The following EXOC6B variants were observed in gnomAD, a reference collection of about 807,000 sequenced individuals.
The protein encoded by EXOC6B is exocyst complex component 6B.
EXOC6B carries 54 observed loss-of-function variants against 113.5 expected under a neutral mutation model. That is an observed-to-expected ratio of 0.48 (90% CI 0.38 to 0.60). The LOEUF (loss-of-function observed/expected upper bound fraction) is 0.60. EXOC6B is among the 20% of genes least tolerant of loss of function. The pLI is 0.00. For synonymous variants in EXOC6B, 357 were observed against 339.0 expected (o/e 1.05, Z -0.58); for missense variants, 797 against 977.5 (o/e 0.82, Z 2.46).
chr2:72,823,494 A>AAAAAT (rs1686717527), intron 1 of EXOC6B, among the ~76,000 whole-genome samples: 1 of 150,370 alleles, frequency 6.7e-6, no homozygotes. Flanking sequence ...AACAAAAAAA[A>AAAAAT]AGACAGTGGC....
At chr2:72,412,865 A>T (rs879292354) in intron 18 of EXOC6B, among the ~76,000 whole-genome samples, 2 of 152,134 alleles carry the variant, frequency 1.3e-5, no homozygotes, top group African/African-American at 4.8e-5. Flanking sequence ...TAACCAGCAT[A>T]AAGTAGAAGA....
chr2:72,718,017 T>C (rs1679737320), intron 6 of EXOC6B, 86 bp downstream of exon 6: 1 of 938,620 alleles, frequency 1.1e-6, no homozygotes, highest in South Asian at 1.9e-5. Flanking sequence ...GATAAGATAA[T>C]GACTAGACAC....
At chr2:72,592,027 C>A (rs1156705260) in intron 6 of EXOC6B, among the ~76,000 whole-genome samples, 2 of 151,478 alleles carry the variant, frequency 1.3e-5, no homozygotes. Context: ...TTTATATATA[C>A]AATATTATCA....
intron 20 of EXOC6B, among the ~76,000 whole-genome samples, chr2:72,261,900 G>A (rs753188102): frequency 6.6e-6 from 1 of 152,076 alleles, no homozygotes; most frequent in Admixed American, 6.6e-5. Flanking sequence ...GAAACGCAAT[G>A]CCTTAGGTAT....
At chr2:72,282,778 T>G (rs1009889442) in intron 20 of EXOC6B, among the ~76,000 whole-genome samples, 3 of 151,898 alleles carry the variant, frequency 2.0e-5, no homozygotes, top group African/African-American at 7.2e-5. Context: ...TATACTAACA[T>G]CAGACAAAGT....
chr2:72,660,232 A>C (rs1674910445), intron 6 of EXOC6B, among the ~76,000 whole-genome samples: 1 of 152,158 alleles, frequency 6.6e-6, no homozygotes, highest in African/African-American at 2.4e-5. Context: ...TAATTTAACA[A>C]TCTTGAATGG....
intron 20 of EXOC6B, among the ~76,000 whole-genome samples, chr2:72,278,463 T>C (rs1684933319): frequency 6.6e-6 from 1 of 152,062 alleles, no homozygotes; most frequent in Non-Finnish European, 1.5e-5. Flanking sequence ...AGGTGGTGAG[T>C]GTCAAACCAA....
At chr2:72,444,600 G>C (rs1270160915) in intron 18 of EXOC6B, among the ~76,000 whole-genome samples, 1 of 152,204 alleles carries the variant, frequency 6.6e-6, no homozygotes, top group Non-Finnish European at 1.5e-5. Context: ...CTGATATCTA[G>C]GCAGAAGTTC....
chr2:72,480,764 A>C lies in EXOC6B; in HGVS notation c.1666-14T>G. 1.3e-6 allele frequency: 2 copies of C among 1,594,646 alleles called. No homozygotes were observed. ...AATCTGAACAAGCTAGAAAACAACA[A>C]ACACATGTAAAAGTCATTTAACTAC... On this transcript the variant is annotated splice_polypyrimidine_tract_variant and intron_variant, in intron 16 of 21. Coordinates refer to ENST00000272427, the MANE Select transcript of EXOC6B (RefSeq NM_015189.3).
At chr2:72,233,701 G>A (rs1361534460) in intron 20 of EXOC6B, among the ~76,000 whole-genome samples, 1 of 152,192 alleles carries the variant, frequency 6.6e-6, no homozygotes, top group Non-Finnish European at 1.5e-5. Flanking sequence ...GCACCTGGGA[G>A]CACTAAGATT....
chr2:72,698,439 A>T (rs1678049819), intron 6 of EXOC6B, among the ~76,000 whole-genome samples: 1 of 152,186 alleles, frequency 6.6e-6, no homozygotes, highest in African/African-American at 2.4e-5. Flanking sequence ...ACCAAAGTAA[A>T]ATGCCTTTTC....
intron 11 of EXOC6B, among the ~76,000 whole-genome samples, chr2:72,508,436 A>G (rs1700726438): frequency 6.6e-6 from 1 of 152,104 alleles, no homozygotes; most frequent in Non-Finnish European, 1.5e-5. Context: ...GATAAATAGC[A>G]TATTTTAAAA....
At chr2:72,238,053 C>T (rs966908787) in intron 20 of EXOC6B, among the ~76,000 whole-genome samples, 2 of 152,158 alleles carry the variant, frequency 1.3e-5, no homozygotes, top group African/African-American at 4.8e-5. Flanking sequence ...AACCCTGTAC[C>T]CATTTTCAGT....
intron 8 of EXOC6B, 40 bp downstream of exon 8, chr2:72,559,413 A>G: frequency 7.1e-7 from 1 of 1,417,494 alleles, no homozygotes; most frequent in Non-Finnish European, 9.4e-7. Flanking sequence ...TTTTGAACTC[A>G]ATGGACATCT....
chr2:72,498,359 T>A (rs1700145582), intron 13 of EXOC6B, 95 bp downstream of exon 13: 1 of 735,492 alleles, frequency 1.4e-6, no homozygotes. Flanking sequence ...CATATACTTG[T>A]TGCCTATAAC....
intron 6 of EXOC6B, among the ~76,000 whole-genome samples, chr2:72,578,041 G>A (rs994268036): frequency 5.3e-5 from 8 of 152,036 alleles, no homozygotes; most frequent in Non-Finnish European, 1.2e-4. Context: ...GAGAAATTGA[G>A]CAAGGTTTAT....
chr2:72,433,302 T>C (rs1695659457), intron 18 of EXOC6B, among the ~76,000 whole-genome samples: 1 of 152,234 alleles, frequency 6.6e-6, no homozygotes, highest in African/African-American at 2.4e-5. Flanking sequence ...GCTATTTTGG[T>C]TACTGTAGCT....
chr2:72,478,701 C>G (rs1324329285), intron 17 of EXOC6B, among the ~76,000 whole-genome samples: 1 of 152,152 alleles, frequency 6.6e-6, no homozygotes, highest in Admixed American at 6.6e-5. Context: ...CACAAGCCAT[C>G]CTTTGAGAGA....
At chr2:72,658,141 A>G (rs1674724594) in intron 6 of EXOC6B, among the ~76,000 whole-genome samples, 1 of 151,472 alleles carries the variant, frequency 6.6e-6, no homozygotes, top group East Asian at 1.9e-4. Context: ...AAACATCTTC[A>G]AAGAACCAAT....
Sources: allele counts gnomAD v4.1 joint callset (sites outside exome capture counted in the v4.1 genomes callset), GRCh38; gene constraint gnomAD v4.1.1; transcripts MANE v1.5; gene names NCBI Gene and HGNC (gene_info 2026-07-23, HGNC 2026-07-21).